SEMA6D: variants seen among roughly 807,000 people sequenced by gnomAD.
SEMA6D encodes the protein semaphorin 6D.
Under a neutral mutation model 106.6 loss-of-function variants are expected in SEMA6D, and 35 were observed. That is an observed-to-expected ratio of 0.33 (90% CI 0.25 to 0.44). The LOEUF is 0.44. Ranked by LOEUF, SEMA6D falls within the 20% of genes least tolerant of loss-of-function variation. SEMA6D has a pLI of 1.00. For missense variants in SEMA6D, 1,185 were observed against 1,345.9 expected (o/e 0.88, Z 1.87); for synonymous variants, 499 against 487.7 (o/e 1.02, Z -0.31).
At chr15:47,211,132 A>G (rs1477563138) in intron 1 of SEMA6D, among the ~76,000 whole-genome samples, 1 of 152,218 alleles carries the variant, frequency 6.6e-6, no homozygotes, top group Non-Finnish European at 1.5e-5. Context: ...CAGTAATAAT[A>G]TAATAATGAT....
At chr15:47,270,175 T>C (rs984115612) in intron 1 of SEMA6D, among the ~76,000 whole-genome samples, 8 of 148,340 alleles carry the variant, frequency 5.4e-5, no homozygotes, top group African/African-American at 2.0e-4. Context: ...ATATTTATTA[T>C]AGTTATATTT....
chr15:47,356,309 C>T (rs1845779626), intron 1 of SEMA6D, among the ~76,000 whole-genome samples: 2 of 152,206 alleles, frequency 1.3e-5, no homozygotes, highest in African/African-American at 2.4e-5. Flanking sequence ...AAGACAAGAG[C>T]TCTCCTGTCT....
rs146133904 is a variant in SEMA6D, at chr15:47,453,044, C to T, written c.-158-17430C>T. Among the ~76,000 whole-genome samples the T allele has an allele frequency of 6.1e-3, 929 of 152,010 alleles. 12 individuals are homozygous for T. The highest frequency in any genetic ancestry group is 0.021 in the African/African-American group (885 of 41,532). Reference sequence around the variant, plus strand: ...AAAAGAAAAAGTAAAGCTCATACCACAGCAGATAAATCTCCAGAATCACTA... The same window carrying T: ...AAAAGAAAAAGTAAAGCTCATACCATAGCAGATAAATCTCCAGAATCACTA... On this transcript the variant is annotated intron_variant, in intron 2 of 19. Transcript: ENST00000558014.
intron 4 of SEMA6D, among the ~76,000 whole-genome samples, chr15:47,663,809 A>G (rs1566969881): frequency 6.6e-6 from 1 of 152,214 alleles, no homozygotes; most frequent in Admixed American, 6.5e-5. Flanking sequence ...AAATCCAGGC[A>G]CATGGATGTG....
At chr15:47,658,625 C>T (rs1034636641) in intron 4 of SEMA6D, among the ~76,000 whole-genome samples, 1 of 152,124 alleles carries the variant, frequency 6.6e-6, no homozygotes, top group Admixed American at 6.5e-5. Flanking sequence ...CGCAATCCTT[C>T]CCCCCTCAAC....
chr15:47,433,611 A>G (rs2041608392), intron 2 of SEMA6D, among the ~76,000 whole-genome samples: 2 of 152,104 alleles, frequency 1.3e-5, no homozygotes, highest in Admixed American at 6.5e-5. Flanking sequence ...TCTGCCAAAC[A>G]TTGCAATTCA....
intron 4 of SEMA6D, among the ~76,000 whole-genome samples, chr15:47,628,509 T>C (rs947994977): frequency 7.2e-5 from 11 of 152,084 alleles, no homozygotes; most frequent in Non-Finnish European, 1.3e-4. Context: ...TCCCTAATGG[T>C]TAATGATGTT....
intron 1 of SEMA6D, among the ~76,000 whole-genome samples, chr15:47,258,564 G>T (rs1053083465): frequency 6.6e-6 from 1 of 152,080 alleles, no homozygotes; most frequent in African/African-American, 2.4e-5. Flanking sequence ...TCAGTTATCA[G>T]ATCTCCTGGA....
intron 4 of SEMA6D, among the ~76,000 whole-genome samples, chr15:47,705,739 G>A (rs1001454070): frequency 1.3e-5 from 2 of 152,084 alleles, no homozygotes; most frequent in East Asian, 1.9e-4. Flanking sequence ...GGTTCTTGAC[G>A]CACATTGACT....
intron 1 of SEMA6D, among the ~76,000 whole-genome samples, chr15:47,325,159 G>GT (rs35598744): frequency 5.1e-4 from 76 of 149,216 alleles, no homozygotes; most frequent in Non-Finnish European, 9.4e-4. Context: ...AGGGTGAAGC[G>GT]TTTTTTTTTT....
In SEMA6D at chr15:47,545,255, A is replaced by G. The variant is rs575689752; in HGVS notation, c.-86-55610A>G. Among the ~76,000 whole-genome samples the G allele has an allele frequency of 1.7e-4, 26 of 152,274 alleles. No homozygotes were observed. In the South Asian group the frequency reaches 5.4e-3, roughly 32 times the overall value. On this transcript the variant is annotated intron_variant, in intron 3 of 19. Coordinates refer to the SEMA6D transcript ENST00000558014. Reference sequence around the variant, plus strand: ...ACTTTGGGGGAAAAAAGTATAACCAATTGAGTTGCAAATTAAGGTAAATTA... The same window carrying G: ...ACTTTGGGGGAAAAAAGTATAACCAGTTGAGTTGCAAATTAAGGTAAATTA...
intron 1 of SEMA6D, among the ~76,000 whole-genome samples, chr15:47,245,079 AT>A (rs1595531251): frequency 6.7e-6 from 1 of 150,280 alleles, no homozygotes; most frequent in African/African-American, 2.5e-5. Flanking sequence ...TACTTACCAC[AT>A]TTTCTTTATC....
Position 47,771,261 on chromosome 15 carries a change from A to G in SEMA6D, c.2698A>G (p.Ile900Val). Residue 900 changes from isoleucine to valine, a missense_variant, in exon 19 of 19, where the codon ATC (isoleucine) becomes GTC (valine). Physicochemically the swap from Ile to Val is conservative, Grantham distance 29. Around this residue, in one of 3 missense-constraint regions of SEMA6D, gnomAD observed 750 missense variants for 783.5 expected, o/e 0.96. Transcript: ENST00000536845. The stretch of plus-strand genomic sequence containing the variant: ...TAACCCCAAAGCCATCATGGGAGAC[A>G]TCCAGATGGCACACCAGAACTTAAT... Reference protein sequence around the residue: ...NSNPKAIMGDIQMAHQNLMLD... With the variant: ...NSNPKAIMGDVQMAHQNLMLD... 1.2e-6 allele frequency: 2 copies of G among 1,614,104 alleles called. No homozygotes were observed. The highest frequency in any genetic ancestry group is 1.7e-6 in the Non-Finnish European group (2 of 1,179,992).
chr15:47,212,746 A>G (rs2030165527), intron 1 of SEMA6D, among the ~76,000 whole-genome samples: 1 of 152,140 alleles, frequency 6.6e-6, no homozygotes, highest in African/African-American at 2.4e-5. Flanking sequence ...TTCCGATGAG[A>G]GGAAGGTGAC....
intron 2 of SEMA6D, among the ~76,000 whole-genome samples, chr15:47,450,002 G>C (rs2042140268): frequency 6.6e-6 from 1 of 152,018 alleles, no homozygotes; most frequent in African/African-American, 2.4e-5. Context: ...ATCCTAGTGA[G>C]AGTTATTTTA....
intron 4 of SEMA6D, chr15:47,606,377 G>A (rs150372398): frequency 2.2e-3 from 335 of 152,278 alleles, no homozygotes; most frequent in African/African-American, 7.9e-3. Context: ...TTCTCTGTGT[G>A]GTGTTCCAGG....
rs528125771 is a variant in SEMA6D at position 47,321,564 on chromosome 15, A to AT, written c.-238-90823dup. Reference sequence around the variant, plus strand: ...TCATTTTAATTAGAAGAATATGTACATTTTTTATATTCCACATAAGAAATG... The same window carrying AT: ...TCATTTTAATTAGAAGAATATGTACATTTTTTTATATTCCACATAAGAAATG... On this transcript the variant is annotated intron_variant, in intron 1 of 19. Transcript: ENST00000558014. Among the ~76,000 whole-genome samples, 616 of 152,234 alleles carry AT rather than the reference A, an allele frequency of 4.0e-3. 1 individual carries two copies. Among genetic ancestry groups the AT allele is most frequent in the Non-Finnish European group, 6.7e-3 (458 of 68,008 alleles).
chr15:47,681,239 T>G (rs1461912941), intron 4 of SEMA6D, among the ~76,000 whole-genome samples: 1 of 152,204 alleles, frequency 6.6e-6, no homozygotes, highest in Non-Finnish European at 1.5e-5. Context: ...GAAAATAGTA[T>G]GTACATACAT....
At chr15:47,251,920 T>TAA (rs1341926900) in intron 1 of SEMA6D, among the ~76,000 whole-genome samples, 12 of 131,964 alleles carry the variant, frequency 9.1e-5, no homozygotes, top group African/African-American at 1.5e-4. Context: ...TTTTTTTTTT[T>TAA]TTTTTTTTTT....
Sources: gnomAD v4.1 joint callset for allele counts (sites outside exome capture counted in the v4.1 genomes callset) on GRCh38, gnomAD v4.1.1 for gene constraint, gnomAD v4.1.1 regional missense constraint, MANE v1.5 for transcripts, NCBI Gene and HGNC (gene_info 2026-07-23, HGNC 2026-07-21) for gene names.